Variants in CSMD3 observed in about 807,000 individuals in gnomAD.
The protein encoded by CSMD3 is CUB and Sushi multiple domains 3.
CSMD3 carries 177 observed loss-of-function variants against 435.2 expected under a neutral mutation model. That is an observed-to-expected ratio of 0.41 (90% confidence interval 0.36 to 0.46). The LOEUF (loss-of-function observed/expected upper bound fraction) is 0.46, where lower values mean the gene tolerates loss of function less well. Ranked by LOEUF, CSMD3 falls within the 20% of genes least tolerant of loss-of-function variation. The pLI, the probability that CSMD3 is intolerant of heterozygous loss-of-function variation, is 0.34. For synonymous variants in CSMD3, 1,656 were observed against 1,520.5 expected (o/e 1.09, Z -2.07); for missense variants, 4,265 against 4,504.6 (o/e 0.95, Z 1.52).
At position 113,408,049 on chromosome 8, in the gene CSMD3, A is replaced by G. The variant is rs184062764; in HGVS notation, c.178+28628T>C. ...TAGTTAAAAATTTTTTTAAACCTTT[A>G]AACAAACAGAAAATTAACCACCTGT... On this transcript the variant is annotated intron_variant, in intron 1 of 70. Coordinates refer to ENST00000297405, the MANE Select transcript of CSMD3 (RefSeq NM_198123.2). Among the ~76,000 whole-genome samples the G allele has an allele frequency of 2.7e-3, 416 of 152,314 alleles. 2 individuals are homozygous for G. The highest frequency in any genetic ancestry group is 4.6e-3 in the Non-Finnish European group (316 of 68,018).
At chr8:113,160,249 T>G (rs2092013599) in intron 4 of CSMD3, among the ~76,000 whole-genome samples, 1 of 151,864 alleles carries the variant, frequency 6.6e-6, no homozygotes, top group South Asian at 2.1e-4. Flanking sequence ...ACAAAAGAAA[T>G]AATCTTATTA....
intron 13 of CSMD3, among the ~76,000 whole-genome samples, chr8:112,789,541 T>A (rs2078634474): frequency 6.6e-6 from 1 of 152,032 alleles, no homozygotes; most frequent in Non-Finnish European, 1.5e-5. Context: ...CATGCTTATA[T>A]TATGTTAGTA....
At chr8:112,966,927 G>C (rs1389617019) in intron 7 of CSMD3, among the ~76,000 whole-genome samples, 2 of 151,774 alleles carry the variant, frequency 1.3e-5, no homozygotes, top group Admixed American at 6.6e-5. Flanking sequence ...TATCCTAGTG[G>C]AGAACAAAAT....
At chr8:113,129,296 C>T (rs2091223604) in intron 4 of CSMD3, among the ~76,000 whole-genome samples, 1 of 152,132 alleles carries the variant, frequency 6.6e-6, no homozygotes, top group South Asian at 2.1e-4. Context: ...CTCTTAGAGG[C>T]ACTAGGGTGG....
At chr8:112,778,802 A>G (rs916892919) in intron 13 of CSMD3, among the ~76,000 whole-genome samples, 7 of 151,960 alleles carry the variant, frequency 4.6e-5, no homozygotes, top group African/African-American at 1.7e-4. Flanking sequence ...TCCACCAGCA[A>G]TGAAACAGAA....
intron 2 of CSMD3, among the ~76,000 whole-genome samples, chr8:113,300,668 T>A (rs186451319): frequency 1.3e-5 from 2 of 152,000 alleles, no homozygotes; most frequent in African/African-American, 4.8e-5. Context: ...ATGGGAACAA[T>A]AGATACTGGG....
intron 4 of CSMD3, among the ~76,000 whole-genome samples, chr8:113,157,951 C>T (rs1034925519): frequency 2.0e-5 from 3 of 151,804 alleles, no homozygotes; most frequent in Admixed American, 6.6e-5. Context: ...TGGGAAAACG[C>T]GATTCTTTAG....
intron 37 of CSMD3, among the ~76,000 whole-genome samples, chr8:112,382,378 T>G (rs115039038): frequency 0.011 from 1,661 of 151,892 alleles, 38 homozygotes; most frequent in African/African-American, 0.037. Context: ...TTGTGTGCGA[T>G]TTTTCTAAGA....
rs374942569 is a variant in CSMD3 at position 113,326,333 on chromosome 8, AATTAT to A, written c.179-11545_179-11541del. ...TTTAAAGTGACCATGTTGTTATATT[AATTAT>A]ATTAAGATCCCATTATTTCTAGTTT... On this transcript the variant is annotated intron_variant, in intron 1 of 70. Transcript: ENST00000297405. Among the ~76,000 whole-genome samples, 536 of 141,194 alleles carry A rather than the reference AATTAT, an allele frequency of 3.8e-3. 1 individual carries two copies. Among genetic ancestry groups the A allele is most frequent in the African/African-American group, 0.013 (499 of 39,658 alleles). The allele number at this position is 141,194 out of a possible 152,430, so 92.6% of individuals were successfully genotyped here. A position where few individuals can be genotyped will look rare whatever the true frequency, so the allele number is the denominator to read the frequency against.
intron 32 of CSMD3, among the ~76,000 whole-genome samples, chr8:112,421,108 A>G (rs1305877206): frequency 6.6e-6 from 1 of 152,108 alleles, no homozygotes; most frequent in African/African-American, 2.4e-5. Flanking sequence ...TAACTTTGCA[A>G]AAAAAATCAT....
intron 22 of CSMD3, among the ~76,000 whole-genome samples, chr8:112,604,869 T>C (rs1832670316): frequency 6.6e-6 from 1 of 152,068 alleles, no homozygotes; most frequent in East Asian, 1.9e-4. Context: ...TATGAGAAAA[T>C]ATTCACAAAC....
In CSMD3 at chr8:112,698,618, T is replaced by A. The variant is rs140826872; in HGVS notation, c.1973-8568A>T. 2.3e-3 allele frequency among the ~76,000 whole-genome samples: 350 copies of A among 152,192 alleles called. 1 individual carries two copies. The highest frequency in any genetic ancestry group is 8.0e-3 in the African/African-American group (333 of 41,528). On this transcript the variant is annotated intron_variant, in intron 13 of 70. Coordinates refer to ENST00000297405, the MANE Select transcript of CSMD3 (RefSeq NM_198123.2). ...ATGGTGGGGACATATCAAAAGGACA[T>A]AGAGGCCAGCTTGAAGAAGCTCCAT...
At chr8:112,422,690 C>A (rs1047489142) in intron 32 of CSMD3, among the ~76,000 whole-genome samples, 2 of 152,158 alleles carry the variant, frequency 1.3e-5, no homozygotes, top group Admixed American at 6.5e-5. Context: ...GAAAATGTCA[C>A]TCACATGTAC....
At chr8:112,972,404 T>A (rs1269745409) in intron 7 of CSMD3, among the ~76,000 whole-genome samples, 1 of 152,024 alleles carries the variant, frequency 6.6e-6, no homozygotes. Flanking sequence ...AGGATATTTT[T>A]GACTTTATAG....
intron 13 of CSMD3, among the ~76,000 whole-genome samples, chr8:112,695,378 C>T (rs951675124): frequency 2.6e-5 from 4 of 152,192 alleles, no homozygotes; most frequent in Admixed American, 2.6e-4. Flanking sequence ...TTTAACCAAA[C>T]AATATGTTTT....
intron 24 of CSMD3, among the ~76,000 whole-genome samples, chr8:112,571,095 C>T (rs1829474907): frequency 6.6e-6 from 1 of 152,124 alleles, no homozygotes; most frequent in African/African-American, 2.4e-5. Context: ...GCAACCTCTC[C>T]CTCCCAGGTT....
chr8:112,749,977 A>G (rs2077529177), intron 13 of CSMD3, among the ~76,000 whole-genome samples: 1 of 151,994 alleles, frequency 6.6e-6, no homozygotes, highest in Non-Finnish European at 1.5e-5. Context: ...AAAAGAGAAT[A>G]CCCAGTAGTA....
At chr8:112,795,399 A>G (rs2078804073) in intron 13 of CSMD3, among the ~76,000 whole-genome samples, 1 of 152,164 alleles carries the variant, frequency 6.6e-6, no homozygotes, top group South Asian at 2.1e-4. Flanking sequence ...AAAATGTTTG[A>G]CTAGAAGTTA....
intron 22 of CSMD3, among the ~76,000 whole-genome samples, chr8:112,590,041 A>G (rs1831049777): frequency 6.6e-6 from 1 of 152,188 alleles, no homozygotes; most frequent in Non-Finnish European, 1.5e-5. Context: ...TGTAATACAA[A>G]CAATTTATTT....
Sources: gnomAD v4.1 joint callset for allele counts (sites outside exome capture counted in the v4.1 genomes callset) on GRCh38, gnomAD v4.1.1 for gene constraint, MANE v1.5 for transcripts, NCBI Gene and HGNC (gene_info 2026-07-23, HGNC 2026-07-21) for gene names.